DNAJC1: variants seen among roughly 807,000 people sequenced by gnomAD.
DNAJC1 encodes the protein DnaJ heat shock protein family (Hsp40) member C1, also known as dnaJ homolog subfamily C member 1.
A neutral mutation model predicts 76.6 loss-of-function variants in DNAJC1; 58 were observed. The observed-to-expected ratio is 0.76, with a 90% CI of 0.61 to 0.94. The LOEUF is 0.94. DNAJC1 is among the 40% of genes least tolerant of loss of function. The pLI is 0.00. For synonymous variants in DNAJC1, 258 were observed against 267.9 expected, an observed-to-expected ratio of 0.96 and a Z score of 0.36; for missense variants, 689 against 677.3, an observed-to-expected ratio of 1.02 and a Z score of -0.19.
chr10:21,803,725 A>G (rs1182248659), intron 9 of DNAJC1: 8 of 609,158 alleles, frequency 1.3e-5, no homozygotes, highest in Non-Finnish European at 1.4e-5. Context: ...CAGAATGAAA[A>G]TGCAGTGTGG....
At chr10:21,823,816 T>C (rs1398530255) in intron 8 of DNAJC1, among the ~76,000 whole-genome samples, 1 of 152,030 alleles carries the variant, frequency 6.6e-6, no homozygotes, top group Non-Finnish European at 1.5e-5. Context: ...CGTTCAAAGC[T>C]GTCCTGGGCC....
intron 1 of DNAJC1, 111 bp from the exon 2 acceptor site, chr10:21,929,252 G>A: frequency 1.5e-6 from 1 of 678,944 alleles, no homozygotes; most frequent in African/African-American, 1.8e-5. Flanking sequence ...AGGACCCCAG[G>A]CAATGTAATT....
At chr10:21,889,548 T>C (rs1363468078) in intron 7 of DNAJC1, among the ~76,000 whole-genome samples, 1 of 152,188 alleles carries the variant, frequency 6.6e-6, no homozygotes, top group Non-Finnish European at 1.5e-5. Context: ...AACCATTATA[T>C]ATACAACAAA....
intron 3 of DNAJC1, among the ~76,000 whole-genome samples, chr10:21,923,437 A>G (rs1837070534): frequency 6.6e-6 from 1 of 151,992 alleles, no homozygotes. Flanking sequence ...AAAATTTAAA[A>G]CATCACTGTA....
intron 8 of DNAJC1, among the ~76,000 whole-genome samples, chr10:21,881,633 T>G (rs1836279066): frequency 6.6e-6 from 1 of 151,990 alleles, no homozygotes; most frequent in Admixed American, 6.6e-5. Flanking sequence ...GTCTTACATG[T>G]GTGCACTTCA....
At chr10:21,863,775 G>A (rs1388016647) in intron 8 of DNAJC1, among the ~76,000 whole-genome samples, 1 of 152,060 alleles carries the variant, frequency 6.6e-6, no homozygotes, top group East Asian at 1.9e-4. Flanking sequence ...CAGAAAAAAA[G>A]ATCTATTCAT....
intron 8 of DNAJC1, among the ~76,000 whole-genome samples, chr10:21,860,423 T>G (rs1219885401): frequency 6.6e-6 from 1 of 152,112 alleles, no homozygotes; most frequent in African/African-American, 2.4e-5. Flanking sequence ...ATGGACGCGG[T>G]GGCTCATGCC....
At chr10:21,971,800 T>G (rs1474636740) in intron 1 of DNAJC1, among the ~76,000 whole-genome samples, 4 of 151,904 alleles carry the variant, frequency 2.6e-5, no homozygotes, top group Non-Finnish European at 4.4e-5. Context: ...TTTCTAAACT[T>G]AAGACTTTTA....
chr10:22,003,476 G>A lies in DNAJC1; in HGVS notation c.-42C>T. 2 of 1,326,052 alleles carry A rather than the reference G, an allele frequency of 1.5e-6. No individual in the cohort carries two copies. Among genetic ancestry groups the A allele is most frequent in the Non-Finnish European group, 1.9e-6 (2 of 1,044,660 alleles). 82.1% of individuals were successfully genotyped at this position (1,326,052 alleles called of 1,614,324 possible). A position where few individuals can be genotyped will look rare whatever the true frequency, so the allele number is the denominator to read the frequency against. ...AGGTCACCCGCCGCGCAGCTCCGTT[G>A]GCCGAGAGCTGGGACGTGGCGGGCG... On this transcript the variant is annotated 5_prime_UTR_variant, in exon 1 of 12. Coordinates refer to ENST00000376980, the MANE Select transcript of DNAJC1 (RefSeq NM_022365.4).
chr10:22,000,137 C>G (rs914828273), intron 1 of DNAJC1, among the ~76,000 whole-genome samples: 1 of 152,160 alleles, frequency 6.6e-6, no homozygotes, highest in Non-Finnish European at 1.5e-5. Context: ...CTTTTTCTCT[C>G]GCATACCACA....
intron 1 of DNAJC1, among the ~76,000 whole-genome samples, chr10:21,939,943 C>CA (rs374955734): frequency 0.2 from 14,116 of 70,104 alleles, 1,098 homozygotes; most frequent in East Asian, 0.32. Flanking sequence ...AAACCTCTCT[C>CA]AAAAAAAAAA....
intron 7 of DNAJC1, among the ~76,000 whole-genome samples, chr10:21,902,965 T>C (rs1836683263): frequency 6.6e-6 from 1 of 152,148 alleles, no homozygotes; most frequent in African/African-American, 2.4e-5. Context: ...TTCACTCTTG[T>C]CACCCAGGCT....
At chr10:21,958,302 G>A (rs1418233851) in intron 1 of DNAJC1, among the ~76,000 whole-genome samples, 1 of 152,068 alleles carries the variant, frequency 6.6e-6, no homozygotes, top group African/African-American at 2.4e-5. Context: ...CAAACCATAA[G>A]AGTCACCTGT....
intron 7 of DNAJC1, among the ~76,000 whole-genome samples, chr10:21,897,963 C>T (rs1836571604): frequency 6.6e-6 from 1 of 152,146 alleles, no homozygotes; most frequent in Non-Finnish European, 1.5e-5. Flanking sequence ...ACTGTCTACA[C>T]AGAAAATCCA....
intron 6 of DNAJC1, among the ~76,000 whole-genome samples, chr10:21,910,937 G>C (rs376491976): frequency 6.9e-6 from 1 of 144,964 alleles, no homozygotes; most frequent in East Asian, 2.1e-4. Flanking sequence ...TGGAGAGAGA[G>C]AAAGAGACAA....
rs1775833048 is a variant in DNAJC1 at position 21,918,879 on chromosome 10, G to A, written c.636-7C>T. 1 of 1,606,256 alleles carries A rather than the reference G, an allele frequency of 6.2e-7. No individual in the cohort carries two copies. The highest frequency in any genetic ancestry group is 1.7e-5 in the Admixed American group (1 of 59,928). On this transcript the variant is annotated splice_region_variant and splice_polypyrimidine_tract_variant and intron_variant, in intron 5 of 11. Coordinates refer to ENST00000376980, the MANE Select transcript of DNAJC1 (RefSeq NM_022365.4). ...CTGTGGTTTCATCAGCAATCTAAAG[G>A]GAGGGAGAAAAAAGAACACCATACA... is the stretch of plus-strand genomic sequence containing the variant.
At chr10:21,918,707 C>A in intron 6 of DNAJC1, 72 bp downstream of exon 6, 5 of 1,145,614 alleles carry the variant, frequency 4.4e-6, no homozygotes, top group Non-Finnish European at 6.5e-6. Flanking sequence ...AGAGAGCCGA[C>A]ATGGGCATAA....
intron 1 of DNAJC1, among the ~76,000 whole-genome samples, chr10:21,979,460 A>G (rs1838116389): frequency 6.6e-6 from 1 of 152,034 alleles, no homozygotes; most frequent in Admixed American, 6.6e-5. Context: ...GATTTAATTG[A>G]TTTTTTAAAG....
At chr10:21,963,017 T>C (rs1837825541) in intron 1 of DNAJC1, among the ~76,000 whole-genome samples, 1 of 152,200 alleles carries the variant, frequency 6.6e-6, no homozygotes, top group Non-Finnish European at 1.5e-5. Flanking sequence ...AATCAGTTGG[T>C]TGAAAGACAT....
Sources: gnomAD v4.1 joint callset for allele counts (sites outside exome capture counted in the v4.1 genomes callset) on GRCh38, gnomAD v4.1.1 for gene constraint, MANE v1.5 for transcripts, NCBI Gene and HGNC (gene_info 2026-07-23, HGNC 2026-07-21) for gene names.